Variants in MYO3A observed in about 807,000 individuals in gnomAD.
The protein encoded by MYO3A is myosin IIIA.
In MYO3A, 180 loss-of-function variants were observed where a neutral mutation model predicts 192.7. That is an observed-to-expected ratio of 0.93 (90% CI 0.83 to 1.06). The LOEUF (loss-of-function observed/expected upper bound fraction) is 1.06, where lower values mean the gene tolerates loss of function less well. Ranked by LOEUF, MYO3A falls within the 50% of genes least tolerant of loss-of-function variation. The pLI, the probability that MYO3A is intolerant of heterozygous loss-of-function variation, is 0.00. For missense variants in MYO3A, 1,896 were observed against 1,905.0 expected, an observed-to-expected ratio of 1.00 and a Z score of 0.09; for synonymous variants, 628 against 645.3, an observed-to-expected ratio of 0.97 and a Z score of 0.41.
chr10:26,154,502 T>G (rs919960046), intron 24 of MYO3A, among the ~76,000 whole-genome samples: 8 of 152,168 alleles, frequency 5.3e-5, no homozygotes, highest in African/African-American at 1.7e-4. Flanking sequence ...GTTTTAAATG[T>G]TACACTAAGA....
At chr10:26,007,137 A>T (rs1003892837) in intron 6 of MYO3A, among the ~76,000 whole-genome samples, 4 of 148,540 alleles carry the variant, frequency 2.7e-5, no homozygotes, top group Non-Finnish European at 5.9e-5. Flanking sequence ...AAACCACATG[A>T]TTATCTCAAC....
chr10:26,082,499 A>C (rs1293098601), intron 14 of MYO3A, among the ~76,000 whole-genome samples: 9 of 152,184 alleles, frequency 5.9e-5, no homozygotes. Context: ...GGCTTTTTAC[A>C]GGTAGGATCA....
At chr10:25,945,732 C>A (rs7093969) in intron 2 of MYO3A, among the ~76,000 whole-genome samples, 1,849 of 152,118 alleles carry the variant, frequency 0.012, 51 homozygotes, top group African/African-American at 0.042. Context: ...AGAGTTTAAT[C>A]CATTTACATT....
chr10:26,025,296 A>G (rs1234545928), intron 9 of MYO3A, among the ~76,000 whole-genome samples: 1 of 151,982 alleles, frequency 6.6e-6, no homozygotes, highest in Non-Finnish European at 1.5e-5. Context: ...TACTCAAGCC[A>G]AGGCATGAGT....
chr10:26,167,300 A>T (rs944477377), intron 27 of MYO3A, among the ~76,000 whole-genome samples: 38 of 115,514 alleles, frequency 3.3e-4, no homozygotes, highest in Admixed American at 1.0e-3. Flanking sequence ...TAAGAGATTT[A>T]AAAAAAAAGC....
At chr10:26,100,507 T>A (rs1347915400) in intron 17 of MYO3A, among the ~76,000 whole-genome samples, 1 of 152,208 alleles carries the variant, frequency 6.6e-6, no homozygotes, top group Non-Finnish European at 1.5e-5. Context: ...AGGGTGTCAA[T>A]TTTAGATCTT....
chr10:26,176,908 A>G (rs1842364788), intron 31 of MYO3A, 63 bp downstream of exon 31: 1 of 1,564,002 alleles, frequency 6.4e-7, no homozygotes, highest in South Asian at 1.1e-5. Context: ...TTTGTTTATT[A>G]GTTTCCCACC....
At chr10:26,045,286 G>A (rs1036827205) in intron 10 of MYO3A, among the ~76,000 whole-genome samples, 1 of 152,118 alleles carries the variant, frequency 6.6e-6, no homozygotes, top group Non-Finnish European at 1.5e-5. Context: ...TCCCACATTA[G>A]CATGTGATAA....
At chr10:26,138,329 G>A (rs1483776624) in intron 20 of MYO3A, among the ~76,000 whole-genome samples, 1 of 152,148 alleles carries the variant, frequency 6.6e-6, no homozygotes, top group Non-Finnish European at 1.5e-5. Flanking sequence ...TTGGGGGCAG[G>A]TTCCCCCGAT....
At chr10:26,124,147 C>T (rs189045452) in intron 18 of MYO3A, among the ~76,000 whole-genome samples, 3 of 135,944 alleles carry the variant, frequency 2.2e-5, no homozygotes, top group South Asian at 2.3e-4. Context: ...CATAATTGTG[C>T]TGTAGCACAC....
chr10:26,169,007 T>A, intron 28 of MYO3A, 133 bp downstream of exon 28: 1 of 807,450 alleles, frequency 1.2e-6, no homozygotes, highest in Non-Finnish European at 1.9e-6. Context: ...TTTGCTATAT[T>A]AAATCTAAGT....
intron 10 of MYO3A, among the ~76,000 whole-genome samples, chr10:26,041,880 CTG>C (rs1432564081): frequency 6.6e-6 from 1 of 152,000 alleles, no homozygotes; most frequent in Non-Finnish European, 1.5e-5. Flanking sequence ...TTATAATATT[CTG>C]TGTTTTTCCT....
At chr10:26,184,145 C>G (rs1003782547) in intron 31 of MYO3A, among the ~76,000 whole-genome samples, 18 of 152,184 alleles carry the variant, frequency 1.2e-4, no homozygotes, top group Admixed American at 1.0e-3. Flanking sequence ...ACTGTCCTGT[C>G]CATAAGCTCA....
At position 25,996,425 on chromosome 10, in the gene MYO3A, C is replaced by G. The variant is rs1417988113; in HGVS notation, c.304-65C>G. ...CACTTTTAAAAATGTCTTGGAAGAA[C>G]TTTTCTAGAAAGAACATAAAATGTC... is the stretch of plus-strand genomic sequence containing the variant. On this transcript the variant is annotated intron_variant, in intron 4 of 34. Transcript: ENST00000642920. 12 of 1,401,376 alleles carry G rather than the reference C, an allele frequency of 8.6e-6. No individual in the cohort carries two copies. In the Middle Eastern group the frequency reaches 7.6e-4, roughly 89 times the overall value. 86.8% of individuals were successfully genotyped at this position (1,401,376 alleles called of 1,614,324 possible).
intron 8 of MYO3A, chr10:26,023,572 A>T: frequency 5.8e-6 from 1 of 172,114 alleles, no homozygotes; most frequent in Non-Finnish European, 1.3e-5. Flanking sequence ...CAGAACAACA[A>T]CTCATAAGGG....
At chr10:26,200,718 T>C (rs750574226) in intron 32 of MYO3A, 4 of 152,216 alleles carry the variant, frequency 2.6e-5, no homozygotes, top group Non-Finnish European at 4.4e-5. Context: ...ATGAAAACAT[T>C]GTGCAAATGA....
intron 20 of MYO3A, among the ~76,000 whole-genome samples, chr10:26,137,782 C>G (rs1042849380): frequency 6.6e-6 from 1 of 152,112 alleles, no homozygotes; most frequent in African/African-American, 2.4e-5. Flanking sequence ...GAATGTCTGT[C>G]CTATGTGGTT....
At chr10:26,150,241 A>G (rs1258800531) in intron 23 of MYO3A, among the ~76,000 whole-genome samples, 1 of 152,196 alleles carries the variant, frequency 6.6e-6, no homozygotes, top group Non-Finnish European at 1.5e-5. Flanking sequence ...TTCAGTTTGC[A>G]AACATGTTTT....
At chr10:25,998,715 G>A (rs115944848) in intron 6 of MYO3A, among the ~76,000 whole-genome samples, 1,641 of 152,136 alleles carry the variant, frequency 0.011, 25 homozygotes, top group African/African-American at 0.036. Flanking sequence ...GATACAGTAA[G>A]TATAGCATAG....
Sources: allele counts gnomAD v4.1 joint callset (sites outside exome capture counted in the v4.1 genomes callset), GRCh38; gene constraint gnomAD v4.1.1; transcripts MANE v1.5; gene names NCBI Gene and HGNC (gene_info 2026-07-23, HGNC 2026-07-21).